Variants in LITAF observed in about 807,000 individuals in gnomAD.
LITAF encodes the protein lipopolysaccharide induced TNF factor.
A neutral mutation model predicts 14.5 loss-of-function variants in LITAF; 9 were observed. The ratio of observed to expected loss-of-function variants is 0.62; its 90% confidence interval spans 0.37 to 1.08. LITAF has a LOEUF of 1.08. LITAF is among the 50% of genes least tolerant of loss of function. LITAF has a pLI of 0.01. For missense variants in LITAF, 206 were observed against 213.4 expected, an observed-to-expected ratio of 0.97 and a Z score of 0.22; for synonymous variants, 98 against 88.2, an observed-to-expected ratio of 1.11 and a Z score of -0.62.
At chr16:11,562,962 T>A (rs908362755) in intron 1 of LITAF, among the ~76,000 whole-genome samples, 6 of 151,792 alleles carry the variant, frequency 4.0e-5, no homozygotes, top group Admixed American at 3.3e-4. Flanking sequence ...AAATTTTTTT[T>A]AATTAAAAAA....
chr16:11,584,153 G>A (rs914840712), intron 1 of LITAF: 2 of 152,208 alleles, frequency 1.3e-5, no homozygotes, highest in African/African-American at 2.4e-5. Flanking sequence ...AAAAATATGT[G>A]TGCTAAAGAA....
chr16:11,573,612 T>A (rs929883510), intron 1 of LITAF, among the ~76,000 whole-genome samples: 1 of 151,744 alleles, frequency 6.6e-6, no homozygotes, highest in Non-Finnish European at 1.5e-5. Flanking sequence ...AGAAATGCAA[T>A]CACCACCAAG....
At chr16:11,568,476 A>T (rs1331556201) in intron 1 of LITAF, among the ~76,000 whole-genome samples, 1 of 152,018 alleles carries the variant, frequency 6.6e-6, no homozygotes, top group East Asian at 1.9e-4. Flanking sequence ...ACAAGGTGTC[A>T]TCCGTTCCCC....
At chr16:11,576,554 A>AAAAAAAAGAC (rs1555469756) in intron 1 of LITAF, among the ~76,000 whole-genome samples, 2,688 of 116,312 alleles carry the variant, frequency 0.023, 131 homozygotes, top group Non-Finnish European at 0.033. Context: ...AAAAAAAAAA[A>AAAAAAAAGAC]AGAGAGAGAG....
At chr16:11,568,765 C>T (rs2064497436) in intron 1 of LITAF, among the ~76,000 whole-genome samples, 1 of 150,968 alleles carries the variant, frequency 6.6e-6, no homozygotes, top group African/African-American at 2.4e-5. Flanking sequence ...CTGCAACCTC[C>T]ACCTCCCGGG....
chr16:11,583,578 A>G (rs12448294), intron 1 of LITAF, among the ~76,000 whole-genome samples: 23,181 of 152,188 alleles, frequency 0.15, 1,922 homozygotes, highest in South Asian at 0.23. Flanking sequence ...TTCGTTCTAT[A>G]AGATTATGCC....
Position 11,556,670 on chromosome 16 carries a change from G to T in LITAF, c.61C>A (p.Pro21Thr). The T allele has an allele frequency of 6.2e-7, 1 of 1,614,190 alleles. No individual in the cohort carries two copies. The highest frequency in any genetic ancestry group is 8.5e-7 in the Non-Finnish European group (1 of 1,180,044). Residue 21 changes from proline to threonine, a missense_variant, in exon 2 of 4, where the codon CCA becomes ACA. Transcript: ENST00000622633. The stretch of plus-strand genomic sequence containing the variant: ...ACAGCCACTGTCTCTTCATAGGATG[G>T]AGGTGCGGATGGTGCTGAGGAAGGC... ...TGPSSAPSAP[P>T]SYEETVAVNS...
chr16:11,601,624 C>T (rs992297638), upstream of LITAF, among the ~76,000 whole-genome samples: 2 of 152,222 alleles, frequency 1.3e-5, no homozygotes, highest in African/African-American at 2.4e-5. Flanking sequence ...GGCTGGAGTG[C>T]GGTGGTGTGA....
At chr16:11,618,146 C>T (rs2065029182) in intron 3 of LITAF, among the ~76,000 whole-genome samples, 1 of 152,194 alleles carries the variant, frequency 6.6e-6, no homozygotes, top group African/African-American at 2.4e-5. Flanking sequence ...GGATTACAGG[C>T]GTGAGCCACT....
chr16:11,552,058 A>T (rs944125614), intron 3 of LITAF, among the ~76,000 whole-genome samples: 1 of 152,116 alleles, frequency 6.6e-6, no homozygotes, highest in Non-Finnish European at 1.5e-5. Flanking sequence ...CAAGGAAGTT[A>T]ACTAAACTCT....
chr16:11,554,232 A>G (rs547056477), intron 2 of LITAF, among the ~76,000 whole-genome samples: 70 of 151,844 alleles, frequency 4.6e-4, no homozygotes, highest in Middle Eastern at 3.4e-3. Flanking sequence ...GCTCAGTCCC[A>G]AAAACAAATA....
chr16:11,606,737 C>A (rs369211112), intron 3 of LITAF, among the ~76,000 whole-genome samples: 1 of 151,980 alleles, frequency 6.6e-6, no homozygotes, highest in Non-Finnish European at 1.5e-5. Context: ...CGGGTTCAAT[C>A]GAATTTCCTG....
At chr16:11,566,108 G>A (rs546926703) in intron 1 of LITAF, among the ~76,000 whole-genome samples, 11 of 152,172 alleles carry the variant, frequency 7.2e-5, no homozygotes, top group African/African-American at 2.4e-4. Flanking sequence ...ATAAGCACTC[G>A]GTATGTGTCA....
intron 3 of LITAF, among the ~76,000 whole-genome samples, chr16:11,627,737 T>C (rs939736995): frequency 6.6e-6 from 1 of 152,144 alleles, no homozygotes; most frequent in Non-Finnish European, 1.5e-5. Context: ...CCAGCTACTC[T>C]GGAGGCTGAC....
At chr16:11,638,036 A>C (rs1454669544), upstream of LITAF, among the ~76,000 whole-genome samples, 4 of 102,688 alleles carry the variant, frequency 3.9e-5, no homozygotes, top group Admixed American at 3.2e-4. Context: ...ATATATCTAT[A>C]TATATCTATA....
At chr16:11,607,728 C>T (rs572342406) in intron 3 of LITAF, among the ~76,000 whole-genome samples, 3 of 152,144 alleles carry the variant, frequency 2.0e-5, no homozygotes, top group African/African-American at 4.8e-5. Flanking sequence ...AATGAACAAC[C>T]ATAACATCAC....
At chr16:11,639,862 C>T (rs2065157675), upstream of LITAF, among the ~76,000 whole-genome samples, 1 of 152,210 alleles carries the variant, frequency 6.6e-6, no homozygotes, top group African/African-American at 2.4e-5. Flanking sequence ...AGGGCCTCTG[C>T]CTCCTAAGCT....
At chr16:11,611,895 C>T (rs1466205550) in intron 3 of LITAF, among the ~76,000 whole-genome samples, 2 of 152,092 alleles carry the variant, frequency 1.3e-5, no homozygotes, top group Non-Finnish European at 2.9e-5. Context: ...AAACTCCTGA[C>T]CTCAGGTGAT....
At chr16:11,635,487 A>T (rs953646669) in intron 2 of LITAF, among the ~76,000 whole-genome samples, 1 of 152,042 alleles carries the variant, frequency 6.6e-6, no homozygotes, top group Non-Finnish European at 1.5e-5. Flanking sequence ...GAAGCCTTCC[A>T]CGTCCTTCAA....
Sources: allele counts gnomAD v4.1 joint callset (sites outside exome capture counted in the v4.1 genomes callset), GRCh38; gene constraint gnomAD v4.1.1; transcripts MANE v1.5; gene names NCBI Gene and HGNC (gene_info 2026-07-23, HGNC 2026-07-21).